ADGRB3: variants seen among roughly 807,000 people sequenced by gnomAD.
ADGRB3 encodes the protein brain-specific angiogenesis inhibitor 3.
ADGRB3 carries 37 observed loss-of-function variants against 193.4 expected under a neutral mutation model. That is an observed-to-expected ratio of 0.19 (90% CI 0.15 to 0.25). The LOEUF (loss-of-function observed/expected upper bound fraction) is 0.25. Among genes scored for constraint, ADGRB3 ranks in the 10% least tolerant of loss-of-function variants. ADGRB3 has a pLI of 1.00. For synonymous variants in ADGRB3, 690 were observed against 644.2 expected (o/e 1.07, Z -1.08); for missense variants, 1,637 against 1,852.9 (o/e 0.88, Z 2.14).
chr6:69,206,403 A>G (rs918255287), intron 17 of ADGRB3, among the ~76,000 whole-genome samples: 2 of 152,132 alleles, frequency 1.3e-5, no homozygotes, highest in Non-Finnish European at 2.9e-5. Context: ...AGACACATCC[A>G]GGATCAATAC....
intron 3 of ADGRB3, among the ~76,000 whole-genome samples, chr6:68,872,798 T>G (rs1765497517): frequency 6.6e-6 from 1 of 152,132 alleles, no homozygotes; most frequent in South Asian, 2.1e-4. Flanking sequence ...TGCCTAGTGC[T>G]TAGCTGCTCT....
intron 20 of ADGRB3, among the ~76,000 whole-genome samples, chr6:69,242,347 T>A (rs1394965255): frequency 6.6e-6 from 1 of 151,876 alleles, no homozygotes; most frequent in African/African-American, 2.4e-5. Context: ...ATCTTTGACT[T>A]CCCTGATAAG....
chr6:68,789,907 C>T (rs944181002), intron 3 of ADGRB3, among the ~76,000 whole-genome samples: 2 of 152,194 alleles, frequency 1.3e-5, no homozygotes, highest in Non-Finnish European at 2.9e-5. Context: ...TTAATTTCGT[C>T]TTCCATTGCT....
intron 3 of ADGRB3, among the ~76,000 whole-genome samples, chr6:68,701,599 C>T (rs1765243964): frequency 6.6e-6 from 1 of 152,214 alleles, no homozygotes; most frequent in African/African-American, 2.4e-5. Context: ...AGCTCCTCCT[C>T]ATGTCAGATT....
At chr6:69,309,748 C>T (rs559010988) in intron 20 of ADGRB3, among the ~76,000 whole-genome samples, 9 of 151,700 alleles carry the variant, frequency 5.9e-5, no homozygotes, top group East Asian at 3.9e-4. Flanking sequence ...ATTTGTTAGA[C>T]GTAATTGAAT....
intron 17 of ADGRB3, among the ~76,000 whole-genome samples, chr6:69,101,183 G>A (rs1241830250): frequency 1.3e-5 from 2 of 152,156 alleles, no homozygotes; most frequent in East Asian, 1.9e-4. Context: ...CCAAACACAA[G>A]TAATAAAGTG....
chr6:68,844,575 G>A (rs1438900550), intron 3 of ADGRB3, among the ~76,000 whole-genome samples: 3 of 152,128 alleles, frequency 2.0e-5, no homozygotes, highest in Non-Finnish European at 4.4e-5. Flanking sequence ...ACTATGGAGA[G>A]CAGTGTGGAG....
At chr6:69,350,959 A>T (rs1769208780) in intron 26 of ADGRB3, among the ~76,000 whole-genome samples, 1 of 152,158 alleles carries the variant, frequency 6.6e-6, no homozygotes, top group African/African-American at 2.4e-5. Context: ...CGTTTTCCAG[A>T]TACCATCTTG....
chr6:69,141,710 T>C (rs1375560639), intron 17 of ADGRB3, among the ~76,000 whole-genome samples: 1 of 152,144 alleles, frequency 6.6e-6, no homozygotes, highest in Non-Finnish European at 1.5e-5. Context: ...GTTTCTACTT[T>C]GGATGAATAG....
chr6:68,660,038 C>T (rs949760271), intron 3 of ADGRB3, among the ~76,000 whole-genome samples: 12 of 150,846 alleles, frequency 8.0e-5, no homozygotes, highest in African/African-American at 2.4e-4. Context: ...ATAAATGTGA[C>T]AAAGAAAGCC....
At chr6:69,088,426 G>T (rs1393623804) in intron 17 of ADGRB3, among the ~76,000 whole-genome samples, 2 of 152,170 alleles carry the variant, frequency 1.3e-5, no homozygotes, top group Non-Finnish European at 2.9e-5. Flanking sequence ...AGGCTGGAGT[G>T]CAGTGGTGCA....
chr6:69,366,707 G>A (rs1314039672), intron 29 of ADGRB3, among the ~76,000 whole-genome samples: 1 of 151,940 alleles, frequency 6.6e-6, no homozygotes, highest in African/African-American at 2.4e-5. Flanking sequence ...GGTTTTCGTT[G>A]TGTGTTTAGT....
intron 3 of ADGRB3, among the ~76,000 whole-genome samples, chr6:68,681,402 C>G (rs1187063831): frequency 1.3e-5 from 2 of 152,100 alleles, no homozygotes; most frequent in African/African-American, 2.4e-5. Flanking sequence ...ACCTCAGCCC[C>G]CCATGCAGCT....
At chr6:69,330,363 C>G (rs900204008) in intron 22 of ADGRB3, 143 bp from the exon 23 acceptor site, 2 of 470,338 alleles carry the variant, frequency 4.3e-6, no homozygotes, top group Non-Finnish European at 7.4e-6. Context: ...TTTTCTACAT[C>G]TTCTATGTAT....
intron 2 of ADGRB3, among the ~76,000 whole-genome samples, chr6:68,638,321 T>A (rs752172980): frequency 6.6e-6 from 1 of 152,238 alleles, no homozygotes; most frequent in Non-Finnish European, 1.5e-5. Flanking sequence ...CATTATGACG[T>A]TTTAAAACTC....
At chr6:69,366,712 T>A (rs975261167) in intron 29 of ADGRB3, among the ~76,000 whole-genome samples, 1 of 152,118 alleles carries the variant, frequency 6.6e-6, no homozygotes, top group Non-Finnish European at 1.5e-5. Flanking sequence ...TCGTTGTGTG[T>A]TTAGTCTACC....
chr6:68,862,021 G>A (rs898328251), intron 3 of ADGRB3, among the ~76,000 whole-genome samples: 9 of 152,086 alleles, frequency 5.9e-5, no homozygotes, highest in African/African-American at 2.2e-4. Flanking sequence ...TGCTTCTCGG[G>A]AGCAAGTCAG....
chr6:68,753,575 G>C (rs1348032023), intron 3 of ADGRB3, among the ~76,000 whole-genome samples: 1 of 152,104 alleles, frequency 6.6e-6, no homozygotes, highest in Non-Finnish European at 1.5e-5. Flanking sequence ...GGTCAGGGGA[G>C]TTACTGCATC....
chr6:68,701,949 A>T (rs1268972422), intron 3 of ADGRB3, among the ~76,000 whole-genome samples: 1 of 152,164 alleles, frequency 6.6e-6, no homozygotes, highest in Non-Finnish European at 1.5e-5. Context: ...ATTTATTTCA[A>T]GCTACGGGAT....
Sources: allele counts gnomAD v4.1 joint callset (sites outside exome capture counted in the v4.1 genomes callset), GRCh38; gene constraint gnomAD v4.1.1; transcripts MANE v1.5; gene names NCBI Gene and HGNC (gene_info 2026-07-23, HGNC 2026-07-21).